DAB1: variants seen among roughly 807,000 people sequenced by gnomAD.
The protein encoded by DAB1 is DAB adaptor protein 1, also known as disabled homolog 1.
In DAB1, 15 loss-of-function variants were observed where a neutral mutation model predicts 64.6. The ratio of observed to expected loss-of-function variants is 0.23; its 90% CI spans 0.16 to 0.36. The LOEUF (loss-of-function observed/expected upper bound fraction) is 0.36. Among genes scored for constraint, DAB1 ranks in the 10% least tolerant of loss-of-function variants. The probability of loss-of-function intolerance (pLI) is 1.00; values close to 1 mark genes in which losing one functional copy is unlikely to be tolerated. For missense variants in DAB1, 596 were observed against 706.7 expected (o/e 0.84, Z 1.78); for synonymous variants, 235 against 251.9 (o/e 0.93, Z 0.64).
intron 7 of DAB1, among the ~76,000 whole-genome samples, chr1:57,550,922 T>C (rs1570617885): frequency 6.6e-6 from 1 of 152,186 alleles, no homozygotes; most frequent in East Asian, 1.9e-4. Context: ...GCTAGGTACT[T>C]ATATACAGTA....
intron 5 of DAB1, among the ~76,000 whole-genome samples, chr1:58,119,433 G>A (rs1460195007): frequency 1.3e-5 from 2 of 152,136 alleles, no homozygotes; most frequent in Non-Finnish European, 2.9e-5. Flanking sequence ...AGCCCAGCAG[G>A]GGGTATTATG....
intron 2 of DAB1, among the ~76,000 whole-genome samples, chr1:57,230,879 G>T (rs962681025): frequency 6.6e-6 from 1 of 152,064 alleles, no homozygotes; most frequent in African/African-American, 2.4e-5. Flanking sequence ...CCAAATTCCA[G>T]TTTCCTACAT....
chr1:58,369,954 C>T (rs1306766856), intron 3 of DAB1, among the ~76,000 whole-genome samples: 2 of 152,154 alleles, frequency 1.3e-5, no homozygotes, highest in Non-Finnish European at 2.9e-5. Context: ...TCATATATTG[C>T]TAGCCAAAGT....
rs115732713 is a variant in DAB1 at position 57,696,765 on chromosome 1, G to A, written n.552-47100C>T. 4.4e-3 allele frequency among the ~76,000 whole-genome samples: 665 copies of A among 152,242 alleles called. 7 individuals carry two copies. Among genetic ancestry groups the A allele is most frequent in the African/African-American group, 0.015 (626 of 41,554 alleles). ...TTGACTCCTTTTACCTTCTTTGAGT[G>A]TTTACATACTTCATGCCACCTATCT... is the stretch of plus-strand genomic sequence containing the variant. On this transcript the variant is annotated intron_variant and non_coding_transcript_variant, in intron 6 of 20. Transcript: ENST00000485760.
At chr1:57,516,543 C>A (rs10493227) in intron 7 of DAB1, among the ~76,000 whole-genome samples, 10,732 of 152,208 alleles carry the variant, frequency 0.071, 1,181 homozygotes, top group African/African-American at 0.24. Flanking sequence ...TACAATGACA[C>A]GTTGAGAACA....
At chr1:58,375,631 T>A (rs543292836) in intron 3 of DAB1, among the ~76,000 whole-genome samples, 5 of 144,016 alleles carry the variant, frequency 3.5e-5, no homozygotes, top group African/African-American at 2.6e-5. Flanking sequence ...AGGATATTGG[T>A]CTAAAATTCT....
At chr1:57,466,984 T>C (rs1345465078) in intron 7 of DAB1, among the ~76,000 whole-genome samples, 1 of 152,212 alleles carries the variant, frequency 6.6e-6, no homozygotes, top group Non-Finnish European at 1.5e-5. Flanking sequence ...CCAGATAATC[T>C]CCATTTTGAC....
At chr1:58,094,326 T>C (rs757734511) in intron 5 of DAB1, among the ~76,000 whole-genome samples, 16 of 152,222 alleles carry the variant, frequency 1.1e-4, no homozygotes, top group Non-Finnish European at 2.1e-4. Flanking sequence ...TTACATTCTT[T>C]GAGTGGATTG....
At chr1:57,011,945 A>T in intron 12 of DAB1, among the ~76,000 whole-genome samples, 1 of 152,218 alleles carries the variant, frequency 6.6e-6, no homozygotes, top group Middle Eastern at 3.2e-3. Context: ...GGGAAAATGG[A>T]TGTAGCTGAT....
At chr1:57,066,270 A>AC (rs1650901601) in intron 8 of DAB1, among the ~76,000 whole-genome samples, 1 of 152,192 alleles carries the variant, frequency 6.6e-6, no homozygotes, top group Admixed American at 6.5e-5. Flanking sequence ...AGAGGTTCTG[A>AC]CCTTGTATTC....
rs532140286 is a variant in DAB1 at position 58,130,624 on chromosome 1, C to T, written n.387+19887G>A. Among the ~76,000 whole-genome samples, 5 of 152,180 alleles carry T rather than the reference C, an allele frequency of 3.3e-5. No homozygotes were observed. The South Asian group carries it at 1.0e-3, about 32-fold the overall frequency. ...TTGTTCCTTTCCATATTTAGTCCTT[C>T]CTTCAGGAGCTCTTGTAAGGCAGGC... On this transcript the variant is annotated intron_variant and non_coding_transcript_variant, in intron 5 of 20. Transcript: ENST00000485760.
Position 57,016,456 on chromosome 1 carries a change from T to G in DAB1, c.896-1025A>C, listed in dbSNP as rs570263887. 5.9e-5 allele frequency among the ~76,000 whole-genome samples: 9 copies of G among 152,154 alleles called. No individual in the cohort carries two copies. The East Asian group carries it at 1.4e-3, about 23-fold the overall frequency. On this transcript the variant is annotated intron_variant, in intron 11 of 14. Coordinates refer to ENST00000371236, the MANE Select transcript of DAB1 (RefSeq NM_001365792.1). The stretch of plus-strand genomic sequence containing the variant: ...AAAATTAGTCAGGAATGGTGGCACA[T>G]GCTCAGAGTTCCATAGTCTCGGCAC...
intron 1 of DAB1, among the ~76,000 whole-genome samples, chr1:57,390,311 G>A (rs1305541678): frequency 3.9e-5 from 6 of 152,140 alleles, no homozygotes; most frequent in Non-Finnish European, 8.8e-5. Context: ...CATTTAACTT[G>A]GACTTCAATT....
intron 7 of DAB1, among the ~76,000 whole-genome samples, chr1:57,520,915 A>G (rs974378350): frequency 3.3e-5 from 5 of 152,040 alleles, no homozygotes; most frequent in African/African-American, 1.2e-4. Context: ...AGGACAGTCA[A>G]GCAGAAAAGA....
intron 7 of DAB1, among the ~76,000 whole-genome samples, chr1:57,459,624 T>G (rs534702392): frequency 6.6e-6 from 1 of 152,146 alleles, no homozygotes; most frequent in Non-Finnish European, 1.5e-5. Context: ...GAAGAGACCT[T>G]GGAGATCACC....
At chr1:57,468,129 C>T (rs1476089239) in intron 7 of DAB1, among the ~76,000 whole-genome samples, 3 of 152,186 alleles carry the variant, frequency 2.0e-5, no homozygotes, top group Non-Finnish European at 4.4e-5. Flanking sequence ...GTGCGTTTCT[C>T]AGAGACCAAA....
At chr1:57,468,615 G>T (rs1031297175) in intron 7 of DAB1, among the ~76,000 whole-genome samples, 1 of 152,128 alleles carries the variant, frequency 6.6e-6, no homozygotes, top group Non-Finnish European at 1.5e-5. Flanking sequence ...GAAGGACAAC[G>T]TATGGGTGTG....
At chr1:58,040,895 G>A (rs992128305) in intron 5 of DAB1, among the ~76,000 whole-genome samples, 1 of 152,012 alleles carries the variant, frequency 6.6e-6, no homozygotes, top group African/African-American at 2.4e-5. Flanking sequence ...CTACAGAATT[G>A]TGTCCAACCT....
intron 1 of DAB1, among the ~76,000 whole-genome samples, chr1:58,539,997 T>C (rs1646580226): frequency 6.6e-6 from 1 of 152,152 alleles, no homozygotes; most frequent in Non-Finnish European, 1.5e-5. Context: ...GAGTCCTGTC[T>C]GGGCATATGT....
Sources: allele counts gnomAD v4.1 joint callset (sites outside exome capture counted in the v4.1 genomes callset), GRCh38; gene constraint gnomAD v4.1.1; transcripts MANE v1.5; gene names NCBI Gene and HGNC (gene_info 2026-07-23, HGNC 2026-07-21).